Variants in DCLK1 observed in about 807,000 individuals in gnomAD.
The protein encoded by DCLK1 is serine/threonine-protein kinase DCLK1.
Under a neutral mutation model 86.2 loss-of-function variants are expected in DCLK1, and 16 were observed. That is an observed-to-expected ratio of 0.19 (90% CI 0.13 to 0.28). The LOEUF (loss-of-function observed/expected upper bound fraction) is 0.28, where lower values mean the gene tolerates loss of function less well. Ranked by LOEUF, DCLK1 falls within the 10% of genes least tolerant of loss-of-function variation. The pLI, the probability that DCLK1 is intolerant of heterozygous loss-of-function variation, is 1.00. For synonymous variants in DCLK1, 369 were observed against 370.5 expected, an observed-to-expected ratio of 1.00 and a Z score of 0.05; for missense variants, 590 against 940.2, an observed-to-expected ratio of 0.63 and a Z score of 4.87.
intron 16 of DCLK1, among the ~76,000 whole-genome samples, chr13:35,776,269 C>A (rs1416847858): frequency 1.3e-5 from 2 of 152,054 alleles, no homozygotes; most frequent in African/African-American, 4.8e-5. Flanking sequence ...GCTTTCAAAG[C>A]AAACTGAAAT....
chr13:35,971,763 C>CA (rs71643790), intron 3 of DCLK1, among the ~76,000 whole-genome samples: 19,806 of 130,038 alleles, frequency 0.15, 1,433 homozygotes, highest in East Asian at 0.23. Flanking sequence ...AACTCCATCT[C>CA]AAAAAAAAAA....
At chr13:35,937,729 A>G (rs1876843318) in intron 4 of DCLK1, among the ~76,000 whole-genome samples, 1 of 152,188 alleles carries the variant, frequency 6.6e-6, no homozygotes, top group Non-Finnish European at 1.5e-5. Context: ...CAATTTTTCT[A>G]AAAAAACTGA....
rs926755045 is a variant in DCLK1 at position 35,929,156 on chromosome 13, C to G, written c.823+18202G>C. ...ATGTTAACCAGGATGGTCTTGATCT[C>G]CTGACCCCGTGATCCACCTGCCTCG... On this transcript the variant is annotated intron_variant, in intron 4 of 16. Coordinates refer to ENST00000360631, the MANE Select transcript of DCLK1 (RefSeq NM_001330071.2). Among the ~76,000 whole-genome samples, 8 of 152,170 alleles carry G rather than the reference C, an allele frequency of 5.3e-5. No homozygotes were observed. The East Asian group carries it at 1.5e-3, about 29-fold the overall frequency.
chr13:35,808,603 T>C (rs2087078731), intron 13 of DCLK1, among the ~76,000 whole-genome samples: 1 of 152,112 alleles, frequency 6.6e-6, no homozygotes, highest in Admixed American at 6.5e-5. Context: ...GCCAACATGG[T>C]GAAACCCCCA....
chr13:35,976,654 C>T (rs1879357439), intron 3 of DCLK1, among the ~76,000 whole-genome samples: 1 of 151,300 alleles, frequency 6.6e-6, no homozygotes, highest in Non-Finnish European at 1.5e-5. Context: ...CCTCAGCCTC[C>T]CAAGTAGCTG....
intron 6 of DCLK1, among the ~76,000 whole-genome samples, chr13:35,840,389 TA>T (rs1453606412): frequency 1.3e-5 from 2 of 152,240 alleles, no homozygotes; most frequent in Admixed American, 6.5e-5. Context: ...CAGAGCCATC[TA>T]AGTCAAACAT....
chr13:35,870,908 C>T (rs1004255854), intron 5 of DCLK1, among the ~76,000 whole-genome samples: 4 of 152,196 alleles, frequency 2.6e-5, no homozygotes, highest in African/African-American at 9.7e-5. Flanking sequence ...AGAATAAATG[C>T]TTTAACAGAG....
intron 15 of DCLK1, among the ~76,000 whole-genome samples, 163 bp from the exon 16 acceptor site, chr13:35,793,642 C>T (rs558193525): frequency 1.3e-5 from 2 of 152,268 alleles, no homozygotes; most frequent in African/African-American, 4.8e-5. Flanking sequence ...GGAAGTACTG[C>T]TCCAAGGTCT....
chr13:36,000,261 C>G (rs1393949539), intron 3 of DCLK1, among the ~76,000 whole-genome samples: 1 of 152,132 alleles, frequency 6.6e-6, no homozygotes, highest in Admixed American at 6.5e-5. Context: ...ATTTTTTCCC[C>G]CTGTGAGTTC....
Position 35,788,827 on chromosome 13 carries a change from T to C in DCLK1, c.2058+4539A>G, listed in dbSNP as rs79325779. 2.6e-4 allele frequency among the ~76,000 whole-genome samples: 39 copies of C among 152,342 alleles called. No individual in the cohort carries two copies. The East Asian group carries it at 6.4e-3, about 25-fold the overall frequency. ...TAAAGGTGAATCTTTTCTTTTCTTT[T>C]CCTTTTTATAAAAGGTATATGATCT... On this transcript the variant is annotated intron_variant, in intron 16 of 16. Coordinates refer to ENST00000360631, the MANE Select transcript of DCLK1 (RefSeq NM_001330071.2).
intron 5 of DCLK1, among the ~76,000 whole-genome samples, chr13:35,865,260 T>A (rs72652877): frequency 0.16 from 24,755 of 152,170 alleles, 2,258 homozygotes; most frequent in African/African-American, 0.23. Context: ...ATAAAATTAA[T>A]GAATTTTACT....
At chr13:35,937,583 A>G (rs1209092582) in intron 4 of DCLK1, among the ~76,000 whole-genome samples, 1 of 152,154 alleles carries the variant, frequency 6.6e-6, no homozygotes, top group East Asian at 1.9e-4. Context: ...GATGATGGCA[A>G]TTTTTATCTA....
intron 16 of DCLK1, 148 bp downstream of exon 16, chr13:35,793,218 C>G: frequency 2.0e-6 from 1 of 503,522 alleles, no homozygotes; most frequent in East Asian, 3.1e-5. Flanking sequence ...TATATAAGTC[C>G]CATACCTCCT....
At chr13:35,965,072 GT>G (rs1198363317) in intron 3 of DCLK1, among the ~76,000 whole-genome samples, 3 of 152,128 alleles carry the variant, frequency 2.0e-5, no homozygotes, top group African/African-American at 4.8e-5. Flanking sequence ...AAATCTGCAA[GT>G]TCCTTTACAT....
At chr13:36,022,531 T>G (rs554507822) in intron 3 of DCLK1, among the ~76,000 whole-genome samples, 42 of 151,668 alleles carry the variant, frequency 2.8e-4, no homozygotes, top group African/African-American at 9.4e-4. Context: ...AAAAACTTAT[T>G]GAGAAAAAAA....
At chr13:35,850,020 T>C (rs1870494250) in intron 6 of DCLK1, 2 of 974,768 alleles carry the variant, frequency 2.1e-6, no homozygotes, top group Non-Finnish European at 2.4e-6. Context: ...TCTAATAAAA[T>C]AACTTTAAAA....
intron 6 of DCLK1, chr13:35,847,618 CA>C (rs1165289732): frequency 2.8e-5 from 18 of 649,018 alleles, no homozygotes; most frequent in Non-Finnish European, 2.8e-5. Context: ...TGTTTTTAAG[CA>C]AAAAAAAGAA....
chr13:35,937,750 T>C (rs1876845118), intron 4 of DCLK1, among the ~76,000 whole-genome samples: 1 of 152,140 alleles, frequency 6.6e-6, no homozygotes, highest in South Asian at 2.1e-4. Flanking sequence ...TAAAACCCCA[T>C]AATTCTTGTG....
chr13:35,854,617 C>A, intron 5 of DCLK1, 24 bp from the exon 6 acceptor site: 3 of 1,537,656 alleles, frequency 2.0e-6, no homozygotes, highest in Non-Finnish European at 2.6e-6. Flanking sequence ...GAATCACACA[C>A]AGAGAAAAAT....
Sources: allele counts gnomAD v4.1 joint callset (sites outside exome capture counted in the v4.1 genomes callset), GRCh38; gene constraint gnomAD v4.1.1; transcripts MANE v1.5; gene names NCBI Gene and HGNC (gene_info 2026-07-23, HGNC 2026-07-21).